The following GCM1 variants were observed in gnomAD, a reference collection of about 807,000 sequenced individuals.
GCM1 encodes GCM transcription factor 1, also known as chorion-specific transcription factor GCMa.
A neutral mutation model predicts 25.7 loss-of-function variants in GCM1; 2 were observed. The observed-to-expected ratio is 0.08, with a 90% CI of 0.03 to 0.24. The LOEUF is 0.24. GCM1 is among the 10% of genes least tolerant of loss of function. GCM1 has a pLI of 1.00. For synonymous variants in GCM1, 183 were observed against 195.7 expected (o/e 0.94, Z 0.54); for missense variants, 395 against 538.7 (o/e 0.73, Z 2.64).
intron 2 of GCM1, among the ~76,000 whole-genome samples, chr6:53,139,443 T>C (rs1369572225): frequency 6.8e-6 from 1 of 146,904 alleles, no homozygotes; most frequent in Non-Finnish European, 1.5e-5. Context: ...AGAAGGTTGC[T>C]TGAGCTCGGG....
intron 1 of GCM1, among the ~76,000 whole-genome samples, chr6:53,147,167 C>T (rs764628023): frequency 3.3e-5 from 5 of 151,054 alleles, no homozygotes; most frequent in Non-Finnish European, 7.4e-5. Flanking sequence ...GGAGGTTTAC[C>T]AAGAAAAAAA....
intron 2 of GCM1, among the ~76,000 whole-genome samples, chr6:53,137,113 T>G (rs1581852426): frequency 6.6e-6 from 1 of 152,178 alleles, no homozygotes; most frequent in East Asian, 1.9e-4. Context: ...ACTACTGTGG[T>G]TTGGGAAGGG....
At chr6:53,138,017 C>T (rs1028095423) in intron 2 of GCM1, among the ~76,000 whole-genome samples, 8 of 152,060 alleles carry the variant, frequency 5.3e-5, no homozygotes, top group African/African-American at 9.7e-5. Flanking sequence ...TGCAGTGGCT[C>T]ACCCCTGTAA....
chr6:53,143,876 A>G (rs976277511), intron 2 of GCM1, among the ~76,000 whole-genome samples: 1 of 152,076 alleles, frequency 6.6e-6, no homozygotes, highest in Non-Finnish European at 1.5e-5. Flanking sequence ...GAAAAGCATA[A>G]AGAGAAACAA....
At chr6:53,145,821 C>T (rs547704889) in intron 1 of GCM1, 53 bp from the exon 2 acceptor site, 10 of 494,842 alleles carry the variant, frequency 2.0e-5, no homozygotes, top group Non-Finnish European at 3.5e-5. Context: ...TAAAAAAAAA[C>T]CCCAATGCTC....
intron 2 of GCM1, among the ~76,000 whole-genome samples, chr6:53,136,777 C>T (rs1431512388): frequency 6.6e-6 from 1 of 152,078 alleles, no homozygotes; most frequent in Non-Finnish European, 1.5e-5. Flanking sequence ...GAGTTCGAGA[C>T]CAGCCTGCCC....
intron 2 of GCM1, among the ~76,000 whole-genome samples, chr6:53,139,519 G>C (rs1308920362): frequency 6.7e-6 from 1 of 150,208 alleles, no homozygotes; most frequent in Non-Finnish European, 1.5e-5. Context: ...AAAAAAAAGG[G>C]GGAATTACTG....
chr6:53,136,722 C>G (rs534121807), intron 2 of GCM1, among the ~76,000 whole-genome samples: 1 of 152,252 alleles, frequency 6.6e-6, no homozygotes, highest in South Asian at 2.1e-4. Flanking sequence ...CACCTGTAAT[C>G]CCAGCACGTT....
chr6:53,134,060 A>G lies in GCM1; in HGVS notation c.328+12T>C, dbSNP rs1397667837. The stretch of plus-strand genomic sequence containing the variant: ...GCCAGCTTTTTTGCTGGTGCCACTA[A>G]GCTCTACTCACGCTGCTGCTTCTGC... On this transcript the variant is annotated intron_variant, in intron 3 of 5. Coordinates refer to ENST00000259803, the MANE Select transcript of GCM1 (RefSeq NM_003643.4). 1 of 1,611,164 alleles carries G rather than the reference A, an allele frequency of 6.2e-7. No homozygotes were observed. The highest frequency in any genetic ancestry group is 8.5e-7 in the Non-Finnish European group (1 of 1,177,524).
intron 2 of GCM1, among the ~76,000 whole-genome samples, chr6:53,143,309 C>T (rs763635632): frequency 6.6e-6 from 1 of 152,102 alleles, no homozygotes; most frequent in Non-Finnish European, 1.5e-5. Context: ...TTTGGAAATT[C>T]ATGTTGGAAC....
intron 2 of GCM1, among the ~76,000 whole-genome samples, chr6:53,141,321 T>G (rs1673147623): frequency 6.6e-6 from 1 of 152,250 alleles, no homozygotes; most frequent in African/African-American, 2.4e-5. Flanking sequence ...TAAACCTTGA[T>G]GTATCTGAAC....
Position 53,145,781 on chromosome 6 carries a change from GTTA to G in GCM1, c.-136-16_-136-14del. 3.4e-6 allele frequency: 2 copies of G among 582,286 alleles called. No individual in the cohort carries two copies. The highest frequency in any genetic ancestry group is 6.0e-6 in the Non-Finnish European group (2 of 330,600). 36.1% of individuals were successfully genotyped at this position (582,286 alleles called of 1,614,324 possible). A position where few individuals can be genotyped will look rare whatever the true frequency, so the allele number is the denominator to read the frequency against. On this transcript the variant is annotated splice_polypyrimidine_tract_variant and intron_variant, in intron 1 of 5. Coordinates refer to ENST00000259803, the MANE Select transcript of GCM1 (RefSeq NM_003643.4). Reference sequence around the variant, plus strand: ...TTGTTTTCTAGGGCTAAAAAAATAAGTTATATTAGTATTGGCCATTAAAGAGAT... The same window carrying G: ...TTGTTTTCTAGGGCTAAAAAAATAAGTATTAGTATTGGCCATTAAAGAGAT...
At chr6:53,145,410 T>C in intron 2 of GCM1, 148 bp downstream of exon 2, 1 of 657,890 alleles carries the variant, frequency 1.5e-6, no homozygotes, top group Non-Finnish European at 2.7e-6. Flanking sequence ...CTTCTTAAAA[T>C]CCCTCAGTCG....
rs1019699096 is a variant in GCM1, at chr6:53,134,160, C to T, written c.240G>A (p.Val80=). Residue 80 remains valine, a synonymous_variant, in exon 3 of 6, where the codon GTG becomes GTA. Coordinates refer to ENST00000259803, the MANE Select transcript of GCM1 (RefSeq NM_003643.4). ...RILKKSCLGV[V]VCGRDCLAEE... is the part of the protein sequence containing the mutation. ...CTGCGAGACAGTCGCGGCCGCACAC[C>T]ACCACACCCAGGCAGGACTTCTTGA... The T allele has an allele frequency of 5.0e-6, 8 of 1,614,046 alleles. No homozygotes were observed. In the African/African-American group the frequency reaches 1.1e-4, roughly 22 times the overall value.
chr6:53,132,660 C>T (rs145445593), intron 3 of GCM1, among the ~76,000 whole-genome samples: 2,173 of 152,204 alleles, frequency 0.014, 57 homozygotes, highest in African/African-American at 0.048. Flanking sequence ...TGCAGTGAGC[C>T]GAGATGGCAC....
chr6:53,139,361 G>A (rs929817835), intron 2 of GCM1, among the ~76,000 whole-genome samples: 4 of 151,988 alleles, frequency 2.6e-5, no homozygotes, highest in African/African-American at 9.7e-5. Context: ...TTTTGTGTTT[G>A]TTCAAGAATT....
At chr6:53,129,327 C>T (rs966504300) in intron 5 of GCM1, among the ~76,000 whole-genome samples, 9 of 149,766 alleles carry the variant, frequency 6.0e-5, no homozygotes, top group Non-Finnish European at 8.9e-5. Context: ...CAGGCTGGAG[C>T]GCAGTGGCAC....
At chr6:53,130,532 G>A (rs1763708798) in intron 5 of GCM1, among the ~76,000 whole-genome samples, 1 of 152,222 alleles carries the variant, frequency 6.6e-6, no homozygotes, top group African/African-American at 2.4e-5. Context: ...TATAAGTTAA[G>A]TGCTAATTCA....
chr6:53,147,560 C>T (rs893038509), intron 1 of GCM1, among the ~76,000 whole-genome samples: 3 of 151,130 alleles, frequency 2.0e-5, no homozygotes, highest in Admixed American at 1.3e-4. Flanking sequence ...TCCCAAGTAG[C>T]TGGGATTACA....
Sources: allele counts gnomAD v4.1 joint callset (sites outside exome capture counted in the v4.1 genomes callset), GRCh38; gene constraint gnomAD v4.1.1; transcripts MANE v1.5; gene names NCBI Gene and HGNC (gene_info 2026-07-23, HGNC 2026-07-21).